The following PRKG1 variants were observed in gnomAD, a reference collection of about 807,000 sequenced individuals.
PRKG1 encodes cGMP-dependent protein kinase 1.
PRKG1 carries 35 observed loss-of-function variants against 88.1 expected under a neutral mutation model. That is an observed-to-expected ratio of 0.40 (90% CI 0.30 to 0.53). The LOEUF (loss-of-function observed/expected upper bound fraction) is 0.53, where lower values mean the gene tolerates loss of function less well. Ranked by LOEUF, PRKG1 falls within the 20% of genes least tolerant of loss-of-function variation. The probability of loss-of-function intolerance (pLI) is 0.59; values close to 1 mark genes in which losing one functional copy is unlikely to be tolerated. For missense variants in PRKG1, 540 were observed against 839.8 expected, an observed-to-expected ratio of 0.64 and a Z score of 4.41; for synonymous variants, 303 against 292.5, an observed-to-expected ratio of 1.04 and a Z score of -0.37.
intron 3 of PRKG1, among the ~76,000 whole-genome samples, chr10:51,513,286 G>T (rs1841473741): frequency 6.9e-6 from 1 of 145,400 alleles, no homozygotes; most frequent in Non-Finnish European, 1.5e-5. Context: ...AATTCAACAA[G>T]AGGAGCTAAC....
Position 51,553,993 on chromosome 10 carries a change from T to C in PRKG1, c.592+86157T>C, listed in dbSNP as rs1589073866. Among the ~76,000 whole-genome samples, 2 of 148,102 alleles carry C rather than the reference T, an allele frequency of 1.4e-5. 1 individual carries two copies. The highest frequency in any genetic ancestry group is 3.0e-5 in the Non-Finnish European group (2 of 67,024). On this transcript the variant is annotated intron_variant, in intron 3 of 17. Transcript: ENST00000373980. ...GATACGTGCATATTATATATGCGTA[T>C]GTGATACGTGCATATTATATGTGCG...
At chr10:51,278,799 AT>A (rs1276126392) in intron 2 of PRKG1, among the ~76,000 whole-genome samples, 1 of 152,080 alleles carries the variant, frequency 6.6e-6, no homozygotes, top group East Asian at 1.9e-4. Context: ...CAGTGGTGAT[AT>A]CCCCTTTATC....
At chr10:51,685,146 C>G (rs141324320) in intron 3 of PRKG1, among the ~76,000 whole-genome samples, 1 of 152,146 alleles carries the variant, frequency 6.6e-6, no homozygotes, top group East Asian at 1.9e-4. Context: ...ACATTCAGCC[C>G]TCAGTGTGGA....
chr10:51,230,029 C>G (rs909236804), intron 2 of PRKG1, among the ~76,000 whole-genome samples: 1 of 151,398 alleles, frequency 6.6e-6, no homozygotes, highest in Non-Finnish European at 1.5e-5. Context: ...TAAGCAATAT[C>G]ACTTGTAAGT....
chr10:51,125,199 C>T (rs1194495893), intron 1 of PRKG1, among the ~76,000 whole-genome samples: 1 of 151,932 alleles, frequency 6.6e-6, no homozygotes, highest in Non-Finnish European at 1.5e-5. Flanking sequence ...TGGCATGCAG[C>T]TGTGGTCCCA....
intron 5 of PRKG1, among the ~76,000 whole-genome samples, chr10:51,915,174 T>C (rs1420149155): frequency 6.6e-6 from 1 of 152,168 alleles, no homozygotes; most frequent in Non-Finnish European, 1.5e-5. Context: ...CAACTGTGAG[T>C]AACAGAGAAA....
At chr10:51,745,332 A>AT (rs1444007012) in intron 3 of PRKG1, among the ~76,000 whole-genome samples, 2 of 151,962 alleles carry the variant, frequency 1.3e-5, no homozygotes, top group African/African-American at 4.8e-5. Context: ...TGAAGACTTC[A>AT]TTTTTTTAGA....
chr10:52,288,159 C>G (rs1279781899), intron 14 of PRKG1, among the ~76,000 whole-genome samples: 2 of 152,054 alleles, frequency 1.3e-5, no homozygotes, highest in Non-Finnish European at 1.5e-5. Context: ...TTGGAGGAAA[C>G]AGCATAACAC....
In PRKG1 at chr10:51,059,743, A is replaced by C. The variant is rs550229326; in HGVS notation, c.266+68099A>C. 6.2e-4 allele frequency among the ~76,000 whole-genome samples: 94 copies of C among 152,270 alleles called. 2 individuals carry two copies. Among genetic ancestry groups the C allele is most frequent in the South Asian group, 2.1e-3 (10 of 4,820 alleles). On this transcript the variant is annotated intron_variant, in intron 1 of 17. Coordinates refer to the PRKG1 transcript ENST00000401604. ...TTGTTTTATGGTCAGCATATAGTCA[A>C]TTTTAATAAATATCCCTATGCACTA...
intron 7 of PRKG1, among the ~76,000 whole-genome samples, chr10:52,093,173 T>C (rs974243083): frequency 6.6e-6 from 1 of 152,154 alleles, no homozygotes; most frequent in Non-Finnish European, 1.5e-5. Context: ...TGACAAATAT[T>C]ATATTGGAAC....
At chr10:51,261,157 G>C (rs1172701685) in intron 2 of PRKG1, among the ~76,000 whole-genome samples, 1 of 152,146 alleles carries the variant, frequency 6.6e-6, no homozygotes, top group Non-Finnish European at 1.5e-5. Context: ...TATTGAACAG[G>C]CTGTTTATAT....
intron 7 of PRKG1, among the ~76,000 whole-genome samples, chr10:52,087,118 A>C (rs1405404940): frequency 6.6e-6 from 1 of 152,154 alleles, no homozygotes; most frequent in Non-Finnish European, 1.5e-5. Flanking sequence ...ACCATGCCAG[A>C]TACTTTCCAA....
chr10:52,239,940 A>G (rs1840815776), intron 9 of PRKG1, among the ~76,000 whole-genome samples: 1 of 152,206 alleles, frequency 6.6e-6, no homozygotes, highest in African/African-American at 2.4e-5. Context: ...TATTATAGTC[A>G]TCTCAATATA....
chr10:52,137,800 A>G (rs1439952855), intron 8 of PRKG1, among the ~76,000 whole-genome samples: 3 of 152,216 alleles, frequency 2.0e-5, no homozygotes, highest in African/African-American at 7.2e-5. Context: ...GAATCCACAG[A>G]TACAGAATGC....
intron 5 of PRKG1, chr10:51,908,725 C>CTATCTATCTATCTATATATATATATATA (rs1299574623): frequency 1.7e-5 from 1 of 60,584 alleles, no homozygotes; most frequent in Non-Finnish European, 3.7e-5. Flanking sequence ...GTCTATCTAT[C>CTATCTATCTATCTATATATATATATATA]TATATGTAAT....
intron 5 of PRKG1, among the ~76,000 whole-genome samples, chr10:52,028,295 A>G (rs1845394421): frequency 6.6e-6 from 1 of 152,074 alleles, no homozygotes; most frequent in Admixed American, 6.5e-5. Flanking sequence ...TGCACATTCT[A>G]TTATGATCAC....
At chr10:51,264,289 G>A (rs1199249815) in intron 2 of PRKG1, among the ~76,000 whole-genome samples, 2 of 152,134 alleles carry the variant, frequency 1.3e-5, no homozygotes, top group African/African-American at 4.8e-5. Context: ...TATGCTCCAG[G>A]AACTTTAATT....
chr10:51,595,627 C>CAATAAATA (rs10599209), intron 3 of PRKG1, among the ~76,000 whole-genome samples: 54 of 145,962 alleles, frequency 3.7e-4, no homozygotes, highest in African/African-American at 3.6e-4. Context: ...GAGACTCTGC[C>CAATAAATA]AATAAATAAA....
At chr10:51,591,747 C>G (rs1838318416) in intron 3 of PRKG1, among the ~76,000 whole-genome samples, 1 of 152,074 alleles carries the variant, frequency 6.6e-6, no homozygotes, top group Non-Finnish European at 1.5e-5. Flanking sequence ...CACCTAGAGT[C>G]TGATTTTCAA....
Sources: allele counts gnomAD v4.1 joint callset (sites outside exome capture counted in the v4.1 genomes callset), GRCh38; gene constraint gnomAD v4.1.1; transcripts MANE v1.5; gene names NCBI Gene and HGNC (gene_info 2026-07-23, HGNC 2026-07-21).